IL1RAPL1: variants seen among roughly 807,000 people sequenced by gnomAD.
IL1RAPL1 encodes the protein interleukin-1 receptor accessory protein-like 1.
Under a neutral mutation model 48.4 loss-of-function variants are expected in IL1RAPL1, and 3 were observed. The observed-to-expected ratio is 0.06, with a 90% confidence interval of 0.03 to 0.16. The LOEUF is 0.16. Among genes scored for constraint, IL1RAPL1 ranks in the 10% least tolerant of loss-of-function variants. The pLI, the probability that IL1RAPL1 is intolerant of heterozygous loss-of-function variation, is 1.00. For missense variants in IL1RAPL1, 349 were observed against 530.6 expected (o/e 0.66, Z 3.36); for synonymous variants, 185 against 187.7 (o/e 0.99, Z 0.12).
chrX:29,236,281 CT>C (rs1301461351), intron 2 of IL1RAPL1, among the ~76,000 whole-genome samples: 2 of 111,390 alleles, frequency 1.8e-5, no homozygotes, highest in Non-Finnish European at 3.8e-5. Flanking sequence ...TCTTTATGAC[CT>C]TATTGAATGA....
intron 5 of IL1RAPL1, among the ~76,000 whole-genome samples, chrX:29,588,704 G>C (rs1175902930): frequency 1.8e-5 from 2 of 111,936 alleles, no homozygotes; most frequent in Non-Finnish European, 3.8e-5. Flanking sequence ...GATAGGCTTG[G>C]CCTCTGTTGA....
At chrX:29,202,663 G>A (rs2147534904) in intron 2 of IL1RAPL1, among the ~76,000 whole-genome samples, 1 of 111,910 alleles carries the variant, frequency 8.9e-6, no homozygotes, top group East Asian at 2.8e-4. Context: ...ATACACCATG[G>A]AATATTATGC....
rs180706977 is a variant in IL1RAPL1, at chrX:28,905,131, A to C, written c.82+115706A>C. Among the ~76,000 whole-genome samples the C allele has an allele frequency of 2.3e-3, 255 of 111,386 alleles. 1 individual carries two copies. The highest frequency in any genetic ancestry group is 8.0e-3 in the African/African-American group (247 of 30,797). On this transcript the variant is annotated intron_variant, in intron 2 of 10. Transcript: ENST00000378993. Reference sequence around the variant, plus strand: ...CACATTTATTATTAAAATGCAGTAGATTTCACTAGATCTTTAAAACTCAGT... The same window carrying C: ...CACATTTATTATTAAAATGCAGTAGCTTTCACTAGATCTTTAAAACTCAGT...
intron 2 of IL1RAPL1, among the ~76,000 whole-genome samples, chrX:29,214,978 G>A (rs111836258): frequency 9.0e-6 from 1 of 111,457 alleles, no homozygotes; most frequent in South Asian, 3.6e-4. Context: ...GCAACAAACT[G>A]CCATTTAAAC....
chrX:28,826,493 G>A (rs1428318009), intron 2 of IL1RAPL1, among the ~76,000 whole-genome samples: 5 of 111,011 alleles, frequency 4.5e-5, no homozygotes, highest in African/African-American at 1.3e-4. Flanking sequence ...AATTTATTAA[G>A]TATCCACATT....
In IL1RAPL1 at chrX:28,953,023, C is replaced by A. The variant is rs184131536; in HGVS notation, c.82+163598C>A. 7.5e-3 allele frequency among the ~76,000 whole-genome samples: 830 copies of A among 111,184 alleles called. 4 individuals carry two copies. The highest frequency in any genetic ancestry group is 0.013 in the Non-Finnish European group (679 of 52,794). ...GATCTGTGTAATGGGTTTTCATTTT[C>A]TTTATAAATAATTACTCGCTGTTTA... On this transcript the variant is annotated intron_variant, in intron 2 of 10. Transcript: ENST00000378993.
At chrX:28,768,824 GTATA>G (rs200366562) in intron 1 of IL1RAPL1, among the ~76,000 whole-genome samples, 7,545 of 71,036 alleles carry the variant, frequency 0.11, 389 homozygotes, top group Middle Eastern at 0.23. Flanking sequence ...ATGTGTGTGT[GTATA>G]TATATATATA....
At chrX:28,969,846 C>CACAT (rs371636774) in intron 2 of IL1RAPL1, among the ~76,000 whole-genome samples, 1 of 61,244 alleles carries the variant, frequency 1.6e-5, no homozygotes, top group African/African-American at 6.4e-5. Context: ...TGTTTCTAAA[C>CACAT]ATATATGTTT....
chrX:29,111,835 A>C (rs1432315735), intron 2 of IL1RAPL1, among the ~76,000 whole-genome samples: 1 of 108,922 alleles, frequency 9.2e-6, no homozygotes, highest in Non-Finnish European at 1.9e-5. Flanking sequence ...AGAGGTAACT[A>C]TCTGTCCCTC....
At chrX:29,348,234 G>A (rs1471445261) in intron 3 of IL1RAPL1, among the ~76,000 whole-genome samples, 1 of 111,855 alleles carries the variant, frequency 8.9e-6, no homozygotes, top group Non-Finnish European at 1.9e-5. Context: ...AGAGTAACAA[G>A]GTAGTATTTG....
At chrX:29,838,771 C>T (rs777134553) in intron 6 of IL1RAPL1, among the ~76,000 whole-genome samples, 2 of 111,896 alleles carry the variant, frequency 1.8e-5, no homozygotes, top group South Asian at 7.5e-4. Context: ...AAACACTAAC[C>T]CTTTATTTAG....
chrX:29,831,097 T>C (rs1224437533), intron 6 of IL1RAPL1, among the ~76,000 whole-genome samples: 1 of 111,724 alleles, frequency 9.0e-6, no homozygotes, highest in Non-Finnish European at 1.9e-5. Flanking sequence ...ACAGCTGTAT[T>C]CTCTGTGAAT....
chrX:29,250,217 G>GA (rs1931581520), intron 2 of IL1RAPL1, among the ~76,000 whole-genome samples: 1 of 111,217 alleles, frequency 9.0e-6, no homozygotes, highest in Admixed American at 9.6e-5. Flanking sequence ...TATTTCACTG[G>GA]AAAAATAAGT....
chrX:29,512,320 A>T (rs6630883), intron 5 of IL1RAPL1, among the ~76,000 whole-genome samples: 45,907 of 109,818 alleles, frequency 0.42, 7,114 homozygotes, highest in East Asian at 0.7. Context: ...AGGTAGGATA[A>T]GTACTAAGAA....
intron 1 of IL1RAPL1, among the ~76,000 whole-genome samples, chrX:28,675,994 C>CT (rs1934992906): frequency 9.0e-6 from 1 of 111,414 alleles, no homozygotes; most frequent in African/African-American, 3.3e-5. Context: ...CGTGTCATGT[C>CT]TTACTACCTT....
chrX:29,314,032 G>A (rs1932758385), intron 3 of IL1RAPL1, among the ~76,000 whole-genome samples: 1 of 112,054 alleles, frequency 8.9e-6, no homozygotes, highest in Non-Finnish European at 1.9e-5. Flanking sequence ...CCCAGGTCTA[G>A]TAAATAATTC....
chrX:28,836,369 A>ATATATATATATATATAT lies in IL1RAPL1; in HGVS notation c.82+46944_82+46945insTATATATATATATATAT, dbSNP rs1569183037. Among the ~76,000 whole-genome samples, 39 of 73,184 alleles carry ATATATATATATATATAT rather than the reference A, an allele frequency of 5.3e-4. No homozygotes were observed. The African/African-American group carries it at 7.3e-3, about 14-fold the overall frequency. The allele number at this position is 73,184 out of a possible 115,157, so 63.6% of individuals were successfully genotyped here. On this transcript the variant is annotated intron_variant, in intron 2 of 10. Coordinates refer to ENST00000378993, the MANE Select transcript of IL1RAPL1 (RefSeq NM_014271.4). ...ATATATATATATATATATATGACAG[A>ATATATATATATATATAT]GAGAGAGAGAGAGAGAGACAGACAG... is the stretch of plus-strand genomic sequence containing the variant.
At chrX:29,437,926 G>A (rs1015573022) in intron 5 of IL1RAPL1, among the ~76,000 whole-genome samples, 2 of 110,743 alleles carry the variant, frequency 1.8e-5, no homozygotes, top group Non-Finnish European at 3.8e-5. Context: ...CTTCTCTTTT[G>A]GAGAGAAGAG....
At chrX:29,198,635 T>C (rs113428419) in intron 2 of IL1RAPL1, among the ~76,000 whole-genome samples, 9,928 of 111,227 alleles carry the variant, frequency 0.089, 340 homozygotes, top group South Asian at 0.2. Context: ...CAGCATAAGT[T>C]GACAGTTTGA....
Sources: gnomAD v4.1 joint callset for allele counts (sites outside exome capture counted in the v4.1 genomes callset) on GRCh38, gnomAD v4.1.1 for gene constraint, MANE v1.5 for transcripts, NCBI Gene and HGNC (gene_info 2026-07-23, HGNC 2026-07-21) for gene names.